The following EPHB2 variants were observed in gnomAD, a reference collection of about 807,000 sequenced individuals.
The protein encoded by EPHB2 is ephrin type-B receptor 2.
Under a neutral mutation model 96.4 loss-of-function variants are expected in EPHB2, and 18 were observed. That is an observed-to-expected ratio of 0.19 (90% CI 0.13 to 0.28). The LOEUF is 0.28. Ranked by LOEUF, EPHB2 falls within the 10% of genes least tolerant of loss-of-function variation. The probability of loss-of-function intolerance (pLI) is 1.00; values close to 1 mark genes in which losing one functional copy is unlikely to be tolerated. For synonymous variants in EPHB2, 506 were observed against 534.1 expected, an observed-to-expected ratio of 0.95 and a Z score of 0.72; for missense variants, 989 against 1,355.4, an observed-to-expected ratio of 0.73 and a Z score of 4.25.
chr1:22,741,900 C>G (rs1229928756), intron 1 of EPHB2, among the ~76,000 whole-genome samples: 1 of 152,062 alleles, frequency 6.6e-6, no homozygotes, highest in Non-Finnish European at 1.5e-5. Context: ...CACCTGCCCC[C>G]AATGGGGAAG....
chr1:22,737,370 GC>G (rs1643854595), intron 1 of EPHB2, among the ~76,000 whole-genome samples: 1 of 152,124 alleles, frequency 6.6e-6, no homozygotes, highest in African/African-American at 2.4e-5. Context: ...CGTTGACCTG[GC>G]CCCTGAGGCC....
rs1211421935 is a variant in EPHB2 at position 22,882,959 on chromosome 1, C to T, written c.1428+476C>T. ...CTTTCACTCGCCTGCATGCCCTTTG[C>T]ATGGGGAGAGGTGATTTCACTTTGA... On this transcript the variant is annotated intron_variant, in intron 6 of 15. Coordinates refer to ENST00000374630, the MANE Select transcript of EPHB2 (RefSeq NM_017449.5). 4 of 226,462 alleles carry T rather than the reference C, an allele frequency of 1.8e-5. No individual in the cohort carries two copies. In the East Asian group the frequency reaches 4.5e-4, roughly 26 times the overall value. 14.0% of individuals were successfully genotyped at this position (226,462 alleles called of 1,614,324 possible).
At chr1:22,834,428 T>C (rs1054200113) in intron 3 of EPHB2, among the ~76,000 whole-genome samples, 1 of 152,190 alleles carries the variant, frequency 6.6e-6, no homozygotes, top group African/African-American at 2.4e-5. Flanking sequence ...ATACCTTGTC[T>C]GAATCTTAGT....
At position 22,921,491 on chromosome 1, in the gene EPHB2, G is replaced by A. The variant is rs908654958; in HGVS notation, c.*7921G>A. On this transcript the variant is annotated 3_prime_UTR_variant, in exon 16 of 16. Coordinates refer to ENST00000374630, the MANE Select transcript of EPHB2 (RefSeq NM_017449.5). ...TTTTTTCCCAAAATAAATGTGAATT[G>A]TAAAAATTATCACTTGGACTCAGTA... 1 of 152,040 alleles carries A rather than the reference G, an allele frequency of 6.6e-6. No individual in the cohort carries two copies. Among genetic ancestry groups the A allele is most frequent in the African/African-American group, 2.4e-5 (1 of 41,414 alleles). 9.4% of individuals were successfully genotyped at this position (152,040 alleles called of 1,614,324 possible). A position where few individuals can be genotyped will look rare whatever the true frequency, so the allele number is the denominator to read the frequency against.
chr1:22,861,770 C>A (rs1472082507), intron 3 of EPHB2, among the ~76,000 whole-genome samples: 1 of 151,998 alleles, frequency 6.6e-6, no homozygotes, highest in Non-Finnish European at 1.5e-5. Context: ...GGAAGATAAG[C>A]CTTGAAGACT....
Position 22,864,938 on chromosome 1 carries a change from G to A in EPHB2, c.1029G>A (p.Glu343=). The A allele has an allele frequency of 6.2e-7, 1 of 1,605,560 alleles. No homozygotes were observed. The highest frequency in any genetic ancestry group is 8.5e-7 in the Non-Finnish European group (1 of 1,175,478). The change falls in exon 5 of 16, where the codon GAG becomes GAA. Residue 343 remains glutamate (E), a synonymous_variant. Transcript: ENST00000374630. ...SSVNETSLML[E]WTPPRDSGGR... The stretch of plus-strand genomic sequence containing the variant: ...TCAATGAGACCTCCCTCATGCTGGA[G>A]TGGACCCCTCCCCGCGACTCCGGAG...
chr1:22,836,247 G>T (rs1208464659), intron 3 of EPHB2, among the ~76,000 whole-genome samples: 1 of 152,198 alleles, frequency 6.6e-6, no homozygotes, highest in African/African-American at 2.4e-5. Flanking sequence ...CTTGCACCAG[G>T]GTGGGGGAGA....
At chr1:22,809,896 G>A (rs988893869) in intron 3 of EPHB2, among the ~76,000 whole-genome samples, 1 of 152,186 alleles carries the variant, frequency 6.6e-6, no homozygotes, top group Admixed American at 6.5e-5. Context: ...GAAGATATAT[G>A]TTGGCCAATA....
chr1:22,714,955 C>T (rs1482796940), intron 1 of EPHB2, among the ~76,000 whole-genome samples: 1 of 152,182 alleles, frequency 6.6e-6, no homozygotes, highest in Non-Finnish European at 1.5e-5. Flanking sequence ...CCCATCGCCA[C>T]CTGAAGAAGC....
At chr1:22,750,442 A>T (rs1286455664) in intron 1 of EPHB2, among the ~76,000 whole-genome samples, 2 of 152,226 alleles carry the variant, frequency 1.3e-5, no homozygotes, top group Non-Finnish European at 2.9e-5. Context: ...CTGTGTTTAC[A>T]TGAGTGTCAG....
At chr1:22,806,978 G>T (rs930580769) in intron 3 of EPHB2, among the ~76,000 whole-genome samples, 15 of 152,098 alleles carry the variant, frequency 9.9e-5, no homozygotes, top group Admixed American at 8.5e-4. Context: ...AGAGGCAGGC[G>T]CCTCTGCTTA....
At position 22,913,762 on chromosome 1, in the gene EPHB2, G is replaced by T; in HGVS notation, c.*192G>T. 1.2e-6 allele frequency: 2 copies of T among 1,605,844 alleles called. No homozygotes were observed. The highest frequency in any genetic ancestry group is 1.7e-6 in the Non-Finnish European group (2 of 1,176,026). On this transcript the variant is annotated 3_prime_UTR_variant, in exon 16 of 16. Coordinates refer to ENST00000374630, the MANE Select transcript of EPHB2 (RefSeq NM_017449.5). This position sits in a 1 kb window ranked among gnomAD's most constrained non-coding sequence, Gnocchi z 4.1. ...GCAACTCAAACGACGGAAAAAAAAAGGGAATGGGAAAAAAGAAAACAGATC... is the reference window on the plus strand; with the variant it reads ...GCAACTCAAACGACGGAAAAAAAAATGGAATGGGAAAAAAGAAAACAGATC...
In EPHB2 at chr1:22,910,423, C is replaced by A; in HGVS notation, c.2544C>A (p.Pro848=). 6.2e-6 allele frequency: 10 copies of A among 1,614,228 alleles called. No homozygotes were observed. Among genetic ancestry groups the A allele is most frequent in the Non-Finnish European group, 8.5e-6 (10 of 1,180,030 alleles). ...AGCAGGACTATCGGCTGCCACCGCC[C>A]ATGGACTGCCCGAGCGCCCTGCACC... ...AIEQDYRLPP[P]MDCPSALHQL... Residue 848 remains proline, a synonymous_variant, in exon 14 of 16, where the codon CCC becomes CCA. Coordinates refer to ENST00000374630, the MANE Select transcript of EPHB2 (RefSeq NM_017449.5).
intron 1 of EPHB2, among the ~76,000 whole-genome samples, chr1:22,722,169 TTC>T (rs1491033996): frequency 6.6e-6 from 1 of 151,830 alleles, no homozygotes; most frequent in Non-Finnish European, 1.5e-5. Context: ...CATTTTTTTT[TTC>T]TTTTTGGTAG....
At chr1:22,897,191 CT>C (rs1372943818) in intron 9 of EPHB2, among the ~76,000 whole-genome samples, 2 of 152,336 alleles carry the variant, frequency 1.3e-5, no homozygotes, top group Non-Finnish European at 2.9e-5. Flanking sequence ...ATGTCCCCTC[CT>C]GAAGGGCCAG....
At chr1:22,761,128 G>T (rs189523976) in intron 1 of EPHB2, among the ~76,000 whole-genome samples, 8 of 152,270 alleles carry the variant, frequency 5.3e-5, no homozygotes, top group African/African-American at 1.7e-4. Context: ...CTGCCCCCAT[G>T]ATTCTCTTCT....
chr1:22,725,833 G>A (rs1643569256), intron 1 of EPHB2, among the ~76,000 whole-genome samples: 1 of 152,212 alleles, frequency 6.6e-6, no homozygotes, highest in South Asian at 2.1e-4. Context: ...CACCTTGAGA[G>A]CAGACTGATG....
intron 3 of EPHB2, among the ~76,000 whole-genome samples, chr1:22,827,691 G>A (rs1189240678): frequency 1.3e-5 from 2 of 152,248 alleles, no homozygotes; most frequent in Non-Finnish European, 2.9e-5. Flanking sequence ...TGCCAGTGAT[G>A]ATGGTGGTGA....
At chr1:22,723,223 G>T (rs1475318120) in intron 1 of EPHB2, among the ~76,000 whole-genome samples, 1 of 152,238 alleles carries the variant, frequency 6.6e-6, no homozygotes, top group Non-Finnish European at 1.5e-5. Flanking sequence ...GATGCGTCCC[G>T]CCTGAATGGG....
Sources: allele counts gnomAD v4.1 joint callset (sites outside exome capture counted in the v4.1 genomes callset), GRCh38; gene constraint gnomAD v4.1.1; non-coding constraint Gnocchi (gnomAD v3.1); transcripts MANE v1.5; gene names NCBI Gene and HGNC (gene_info 2026-07-23, HGNC 2026-07-21).